Variants in SEL1L2 observed in about 807,000 individuals in gnomAD.
SEL1L2 encodes SEL1L2 adaptor subunit of SYVN1 ubiquitin ligase.
Under a neutral mutation model 98.8 loss-of-function variants are expected in SEL1L2, and 89 were observed. The ratio of observed to expected loss-of-function variants is 0.90; its 90% CI spans 0.76 to 1.07. The LOEUF is 1.07. SEL1L2 is among the 50% of genes least tolerant of loss of function. The pLI is 0.00. For missense variants in SEL1L2, 788 were observed against 812.0 expected, an observed-to-expected ratio of 0.97 and a Z score of 0.36; for synonymous variants, 262 against 278.5, an observed-to-expected ratio of 0.94 and a Z score of 0.59.
chr20:13,935,370 A>T (rs1215777031), intron 2 of SEL1L2, among the ~76,000 whole-genome samples: 1 of 152,226 alleles, frequency 6.6e-6, no homozygotes, highest in African/African-American at 2.4e-5. Context: ...CTGCCAGGGA[A>T]GATAACAGTC....
intron 1 of SEL1L2, chr20:13,973,176 A>T (rs1027292923): frequency 5.3e-5 from 8 of 152,038 alleles, no homozygotes; most frequent in Admixed American, 6.6e-5. Context: ...TAAGGTTTTC[A>T]CTTTTGCTAT....
chr20:13,888,635 C>CTT (rs71188192), intron 5 of SEL1L2, 123 bp from the exon 6 acceptor site: 66,337 of 201,282 alleles, frequency 0.33, 10,674 homozygotes, highest in East Asian at 0.47. Flanking sequence ...CTTTCTTTCT[C>CTT]TTTTTTTTTT....
Position 13,919,099 on chromosome 20 carries a change from A to T in SEL1L2, c.308T>A (p.Phe103Tyr). ...NHLQKQAEKN[F>Y]TDEGDQLFKM... ...AAATAGCTGGTCTCCTTCATCTGTA[A>T]AATTTTTCTCTGCTTGCTTTTGTAC... Residue 103 changes from phenylalanine (F) to tyrosine (Y), a missense_variant, in exon 4 of 20, where the codon TTT becomes TAT. Physicochemically the swap from Phe to Tyr is conservative, Grantham distance 22. Transcript: ENST00000284951. 1 of 1,612,876 alleles carries T rather than the reference A, an allele frequency of 6.2e-7. No homozygotes were observed. Among genetic ancestry groups the T allele is most frequent in the South Asian group, 1.1e-5 (1 of 90,910 alleles).
intron 5 of SEL1L2, among the ~76,000 whole-genome samples, chr20:13,899,243 G>C (rs904939193): frequency 5.3e-5 from 8 of 151,826 alleles, no homozygotes; most frequent in South Asian, 2.1e-4. Context: ...ATGAATTGTG[G>C]TCATGGCATG....
upstream of SEL1L2, chr20:13,995,203 T>C (rs2052612730): frequency 1.2e-5 from 2 of 170,754 alleles, no homozygotes; most frequent in South Asian, 2.7e-4. This position sits in a 1 kb window ranked among gnomAD's most constrained non-coding sequence, Gnocchi z 4.3. Context: ...AGGCCAGCGG[T>C]AAGCGCGGTC....
At chr20:13,857,936 G>A (rs937213646) in intron 18 of SEL1L2, among the ~76,000 whole-genome samples, 2 of 152,158 alleles carry the variant, frequency 1.3e-5, no homozygotes, top group African/African-American at 4.8e-5. Context: ...GCCCAGGGAT[G>A]GCTAAATAAC....
chr20:13,905,309 CTTT>C (rs34326096), intron 5 of SEL1L2, among the ~76,000 whole-genome samples: 29 of 132,942 alleles, frequency 2.2e-4, no homozygotes, highest in African/African-American at 6.7e-4. Flanking sequence ...TGTCCTATAA[CTTT>C]TTTTTTTTTT....
chr20:13,938,346 T>C (rs946797625), intron 2 of SEL1L2, among the ~76,000 whole-genome samples: 1 of 152,164 alleles, frequency 6.6e-6, no homozygotes, highest in Non-Finnish European at 1.5e-5. Flanking sequence ...CCCAAAGTGC[T>C]GGGATTACAG....
In SEL1L2 at chr20:13,878,891, T is replaced by C. The variant is rs147500015; in HGVS notation, c.958-1303A>G. ...TAAACAGCAGTGAGATAGTAGGTAA[T>C]AGGTGGTATAAAAGAAACTCCATAA... On this transcript the variant is annotated intron_variant, in intron 10 of 19. Coordinates refer to ENST00000284951, the MANE Select transcript of SEL1L2 (RefSeq NM_025229.2). 3.8e-3 allele frequency among the ~76,000 whole-genome samples: 575 copies of C among 152,264 alleles called. 8 individuals are homozygous for C. Among genetic ancestry groups the C allele is most frequent in the African/African-American group, 0.013 (556 of 41,532 alleles).
Position 13,920,586 on chromosome 20 carries a change from T to TAC in SEL1L2, c.284-1465_284-1464dup, listed in dbSNP as rs3042762. Among the ~76,000 whole-genome samples the TAC allele has an allele frequency of 7.2e-3, 1,078 of 150,544 alleles. 13 individuals carry two copies. The highest frequency in any genetic ancestry group is 0.011 in the Non-Finnish European group (771 of 67,508). ...TCTCTCTCTCACACACACTCTCACA[T>TAC]ACACACACACACACACACATACAGC... is the stretch of plus-strand genomic sequence containing the variant. On this transcript the variant is annotated intron_variant, in intron 3 of 19. Coordinates refer to ENST00000284951, the MANE Select transcript of SEL1L2 (RefSeq NM_025229.2).
chr20:13,983,251 T>C (rs1467487588), intron 1 of SEL1L2, among the ~76,000 whole-genome samples: 2 of 151,972 alleles, frequency 1.3e-5, no homozygotes, highest in African/African-American at 4.8e-5. Flanking sequence ...TAGGCGAACG[T>C]AGAGTCAGGG....
Position 13,913,805 on chromosome 20 carries a change from C to T in SEL1L2, c.526G>A (p.Glu176Lys). Residue 176 changes from glutamate (E) to lysine (K), a missense_variant, in exon 5 of 20, where the codon GAA (glutamate) becomes AAA (lysine). Glu to Lys is a moderately conservative substitution (Grantham distance 56). Coordinates refer to ENST00000284951, the MANE Select transcript of SEL1L2 (RefSeq NM_025229.2). The part of the protein sequence containing the change: ...AIQLYESLAK[E>K]GSCKAQNALG... ...ACGTTTTGGGCTTTACATGATCCTTCTTTAGCCAAGGACTCATATAATTGG... is the reference window on the plus strand; with the variant it reads ...ACGTTTTGGGCTTTACATGATCCTTTTTTAGCCAAGGACTCATATAATTGG... 2 of 1,531,686 alleles carry T rather than the reference C, an allele frequency of 1.3e-6. No individual in the cohort carries two copies. The highest frequency in any genetic ancestry group is 1.7e-6 in the Non-Finnish European group (2 of 1,151,706). The allele number at this position is 1,531,686 out of a possible 1,614,324, so 94.9% of individuals were successfully genotyped here.
Position 13,919,064 on chromosome 20 carries a change from T to G in SEL1L2, c.343A>C (p.Ile115Leu), listed in dbSNP as rs543966458. 1.9e-6 allele frequency: 3 copies of G among 1,613,988 alleles called. No individual in the cohort carries two copies. The highest frequency in any genetic ancestry group is 2.5e-6 in the Non-Finnish European group (3 of 1,179,926). ...DEGDQLFKMGIKVLQQSKSQK... is the reference protein window; with the variant it reads ...DEGDQLFKMGLKVLQQSKSQK... The stretch of plus-strand genomic sequence containing the variant: ...CTTTTAGACTGCTGGAGAACCTTGA[T>G]GCCCATCTTAAATAGCTGGTCTCCT... The change falls in exon 4 of 20, where the codon ATC (isoleucine) becomes CTC (leucine). Residue 115 changes from isoleucine to leucine, a missense_variant. Transcript: ENST00000284951.
chr20:13,855,247 CTATATAGGGCAAAGTGCTAT>C lies in SEL1L2; in HGVS notation c.1818+3995_1818+4014del, dbSNP rs1988962252. Among the ~76,000 whole-genome samples the C allele has an allele frequency of 2.6e-5, 4 of 152,168 alleles. No individual in the cohort carries two copies. In the South Asian group the frequency reaches 6.2e-4, roughly 24 times the overall value. On this transcript the variant is annotated intron_variant, in intron 18 of 19. Transcript: ENST00000284951. ...GGGGAAGGAATAAGTAGCCTAGAAT[CTATATAGGGCAAAGTGCTAT>C]ATCACACCACTATTACCAAGGTAGG...
intron 1 of SEL1L2, among the ~76,000 whole-genome samples, chr20:13,964,030 C>A (rs912836896): frequency 6.6e-6 from 1 of 151,888 alleles, no homozygotes; most frequent in African/African-American, 2.4e-5. Context: ...TGCCACCACT[C>A]CCAGCTAATT....
At position 13,946,747 on chromosome 20, in the gene SEL1L2, C is replaced by T. The variant is rs529784019; in HGVS notation, c.114+9329G>A. Among the ~76,000 whole-genome samples, 169 of 151,910 alleles carry T rather than the reference C, an allele frequency of 1.1e-3. 1 individual carries two copies. The highest frequency in any genetic ancestry group is 1.7e-3 in the Non-Finnish European group (115 of 67,964). On this transcript the variant is annotated intron_variant, in intron 2 of 19. Coordinates refer to ENST00000284951, the MANE Select transcript of SEL1L2 (RefSeq NM_025229.2). ...CTTGGGGCGAGAAACCCTCCCATCCCGCAGGCTTGGAAGTGCCTGCTCCCA... is the reference window on the plus strand; with the variant it reads ...CTTGGGGCGAGAAACCCTCCCATCCTGCAGGCTTGGAAGTGCCTGCTCCCA...
intron 6 of SEL1L2, 78 bp downstream of exon 6, chr20:13,888,381 A>T: frequency 2.1e-6 from 2 of 934,440 alleles, no homozygotes; most frequent in Non-Finnish European, 3.4e-6. Context: ...GAGCCCCTTT[A>T]CTTAATGAGT....
At chr20:13,982,473 T>C (rs368322406) in intron 1 of SEL1L2, among the ~76,000 whole-genome samples, 28 of 129,772 alleles carry the variant, frequency 2.2e-4, no homozygotes, top group Middle Eastern at 5.8e-3. Context: ...ATCGTGCCAC[T>C]GCACTCCAGC....
chr20:13,947,999 G>A (rs193124735), intron 2 of SEL1L2, among the ~76,000 whole-genome samples: 33 of 152,344 alleles, frequency 2.2e-4, no homozygotes, highest in South Asian at 4.1e-4. Context: ...GGTAGCATGA[G>A]CCAAGTGCAG....
Sources: gnomAD v4.1 joint callset for allele counts (sites outside exome capture counted in the v4.1 genomes callset) on GRCh38, gnomAD v4.1.1 for gene constraint, Gnocchi (gnomAD v3.1) non-coding constraint, MANE v1.5 for transcripts, NCBI Gene and HGNC (gene_info 2026-07-23, HGNC 2026-07-21) for gene names.